The following PSMG1 variants were observed in gnomAD, a reference collection of about 807,000 sequenced individuals.
PSMG1 encodes Down syndrome critical region gene 2.
In PSMG1, 23 loss-of-function variants were observed where a neutral mutation model predicts 37.2. That is an observed-to-expected ratio of 0.62 (90% confidence interval 0.44 to 0.88). PSMG1 has a LOEUF of 0.88. Ranked by LOEUF, PSMG1 falls within the 40% of genes least tolerant of loss-of-function variation. PSMG1 has a pLI of 0.00. For missense variants in PSMG1, 340 were observed against 344.2 expected, an observed-to-expected ratio of 0.99 and a Z score of 0.10; for synonymous variants, 127 against 128.0, an observed-to-expected ratio of 0.99 and a Z score of 0.05.
intron 3 of PSMG1, 99 bp downstream of exon 3, chr21:39,180,186 G>T: frequency 1.4e-6 from 2 of 1,395,080 alleles, no homozygotes; most frequent in South Asian, 2.9e-5. Flanking sequence ...CACACTGACA[G>T]AGCAACTGAA....
In PSMG1 at chr21:39,178,509, CT is replaced by C; in HGVS notation, c.594del (p.Asp199ThrfsTer8). 6.2e-7 allele frequency: 1 copy of C among 1,614,074 alleles called. No individual in the cohort carries two copies. Among genetic ancestry groups the C allele is most frequent in the South Asian group, 1.1e-5 (1 of 91,084 alleles). On this transcript the variant is annotated frameshift_variant, in exon 5 of 7. Coordinates refer to ENST00000331573, the MANE Select transcript of PSMG1 (RefSeq NM_003720.4). LOFTEE classifies it high-confidence loss of function. ...FLRALKTQNF[K>X]DSACCPLLEQ... The stretch of plus-strand genomic sequence containing the variant: ...TCTAGCAATGGACAACACGCCGAGT[CT>C]TTGAAATTCTGTGTTTTTAGGGCTC...
At chr21:39,182,204 CA>C (rs2030856605) in intron 1 of PSMG1, among the ~76,000 whole-genome samples, 1 of 152,156 alleles carries the variant, frequency 6.6e-6, no homozygotes, top group South Asian at 2.1e-4. Context: ...TTCTTGCCGA[CA>C]AAACTTTGAA....
intron 1 of PSMG1, among the ~76,000 whole-genome samples, chr21:39,182,429 C>A (rs4817999): frequency 0.6 from 91,970 of 152,090 alleles, 28,046 homozygotes; most frequent in Admixed American, 0.66. Flanking sequence ...TGTTAGGATT[C>A]TCATTCACGC....
chr21:39,182,849 C>G (rs899138726), intron 1 of PSMG1, among the ~76,000 whole-genome samples: 8 of 152,216 alleles, frequency 5.3e-5, no homozygotes, highest in Non-Finnish European at 8.8e-5. Context: ...CGTGAACAAT[C>G]CACGACAAAC....
chr21:39,177,035 A>ACC (rs2030649110), intron 6 of PSMG1, among the ~76,000 whole-genome samples: 1 of 152,248 alleles, frequency 6.6e-6, no homozygotes, highest in African/African-American at 2.4e-5. Context: ...CTTCACATAT[A>ACC]CAGTTCTCTG....
At chr21:39,177,380 T>C in intron 6 of PSMG1, 55 bp downstream of exon 6, 2 of 1,445,518 alleles carry the variant, frequency 1.4e-6, no homozygotes, top group Non-Finnish European at 1.9e-6. Flanking sequence ...TTTATGTTTG[T>C]TACTAAGCTG....
chr21:39,183,436 C>T lies in PSMG1; in HGVS notation c.-51G>A, dbSNP rs2030955485. 1 of 1,521,692 alleles carries T rather than the reference C, an allele frequency of 6.6e-7. No homozygotes were observed. Among genetic ancestry groups the T allele is most frequent in the Non-Finnish European group, 8.8e-7 (1 of 1,138,898 alleles). The allele number at this position is 1,521,692 out of a possible 1,614,324, so 94.3% of individuals were successfully genotyped here. A position where few individuals can be genotyped will look rare whatever the true frequency, so the allele number is the denominator to read the frequency against. On this transcript the variant is annotated 5_prime_UTR_variant, in exon 1 of 7. Coordinates refer to ENST00000331573, the MANE Select transcript of PSMG1 (RefSeq NM_003720.4). ...AACTGCAGCGCCGCGGGACCGCACG[C>T]CGGCTTGCGCGAGACCACGCTCCCT...
chr21:39,183,185 T>C (rs892271544), intron 1 of PSMG1, 67 bp downstream of exon 1: 2 of 1,444,388 alleles, frequency 1.4e-6, no homozygotes, highest in Non-Finnish European at 1.8e-6. Context: ...TTAGGCGCCG[T>C]CGCGGCTGCC....
In PSMG1 at chr21:39,175,613, T is replaced by C; in HGVS notation, c.844A>G (p.Ile282Val). Reference sequence around the variant, plus strand: ...GATCATGTATAAATGTTACTCTGAATCTCATTTGTTGTCATCAATTTCTTT... The same window carrying C: ...GATCATGTATAAATGTTACTCTGAACCTCATTTGTTGTCATCAATTTCTTT... ...ILKKLMTTNE[I>V]QSNIYT is the part of the protein sequence containing the mutation. The change falls in exon 7 of 7, where the codon ATT (isoleucine) becomes GTT (valine). Residue 282 changes from isoleucine to valine, a missense_variant. Ile to Val is a conservative substitution (Grantham distance 29). Transcript: ENST00000331573. 1 of 1,595,526 alleles carries C rather than the reference T, an allele frequency of 6.3e-7. No individual in the cohort carries two copies. The highest frequency in any genetic ancestry group is 8.6e-7 in the Non-Finnish European group (1 of 1,163,312).
rs1005971249 is a variant in PSMG1 at position 39,174,811 on chromosome 21, A to C, written c.*779T>G. Reference sequence around the variant, plus strand: ...ACTCCGGGTTCATGATTCCATTCACACTCCTAATGATAACACATGACTGTA... The same window carrying C: ...ACTCCGGGTTCATGATTCCATTCACCCTCCTAATGATAACACATGACTGTA... On this transcript the variant is annotated 3_prime_UTR_variant, in exon 7 of 7. Transcript: ENST00000331573. 1.3e-5 allele frequency: 2 copies of C among 152,074 alleles called. No homozygotes were observed. Among genetic ancestry groups the C allele is most frequent in the Non-Finnish European group, 2.9e-5 (2 of 68,020 alleles). The allele number at this position is 152,074 out of a possible 1,614,324, so 9.4% of individuals were successfully genotyped here. A position where few individuals can be genotyped will look rare whatever the true frequency, so the allele number is the denominator to read the frequency against.
chr21:39,176,027 C>T (rs900776192), intron 6 of PSMG1, among the ~76,000 whole-genome samples: 1 of 152,180 alleles, frequency 6.6e-6, no homozygotes, highest in Non-Finnish European at 1.5e-5. Flanking sequence ...TCCCTCTGCA[C>T]ACTTCTACCC....
Position 39,175,517 on chromosome 21 carries a change from T to C in PSMG1, c.*73A>G. The C allele has an allele frequency of 6.9e-7, 1 of 1,447,184 alleles. No individual in the cohort carries two copies. The highest frequency in any genetic ancestry group is 9.1e-7 in the Non-Finnish European group (1 of 1,094,664). The allele number at this position is 1,447,184 out of a possible 1,614,324, so 89.6% of individuals were successfully genotyped here. On this transcript the variant is annotated 3_prime_UTR_variant, in exon 7 of 7. Transcript: ENST00000331573. ...CTCAAAATATATCCCCCAAAAGTAATCTACAAAAGAGTGCAGGCTGCTCCC... is the reference window on the plus strand; with the variant it reads ...CTCAAAATATATCCCCCAAAAGTAACCTACAAAAGAGTGCAGGCTGCTCCC...
chr21:39,176,737 T>C (rs553232198), intron 6 of PSMG1, among the ~76,000 whole-genome samples: 3 of 152,328 alleles, frequency 2.0e-5, no homozygotes, highest in African/African-American at 7.2e-5. Context: ...ACCTGGGAAA[T>C]GAGCTACTTC....
intron 3 of PSMG1, 93 bp downstream of exon 3, chr21:39,180,192 C>T: frequency 1.4e-6 from 2 of 1,420,298 alleles, no homozygotes; most frequent in Non-Finnish European, 9.5e-7. Flanking sequence ...GACAGAGCAA[C>T]TGAAAGATTT....
intron 2 of PSMG1, 72 bp from the exon 3 acceptor site, chr21:39,180,508 C>T (rs2030791503): frequency 7.1e-7 from 1 of 1,416,110 alleles, no homozygotes; most frequent in Non-Finnish European, 9.4e-7. Flanking sequence ...AAAAAGTAAG[C>T]TCAAGTTACT....
intron 2 of PSMG1, among the ~76,000 whole-genome samples, chr21:39,181,566 G>A (rs2030828409): frequency 1.3e-5 from 2 of 151,458 alleles, no homozygotes; most frequent in Admixed American, 1.3e-4. Context: ...GACCAGCCTG[G>A]GCAACACAGC....
chr21:39,178,724 C>T, intron 4 of PSMG1, 77 bp from the exon 5 acceptor site: 1 of 1,315,044 alleles, frequency 7.6e-7, no homozygotes, highest in East Asian at 2.5e-5. Context: ...TAGGTATTCA[C>T]CTAACACCAC....
chr21:39,181,728 C>A, intron 2 of PSMG1, 44 bp downstream of exon 2: 1 of 1,296,132 alleles, frequency 7.7e-7, no homozygotes, highest in South Asian at 1.5e-5. Flanking sequence ...AAGTATATTT[C>A]ATTCTTTCAA....
chr21:39,178,397 G>A (rs2030700313), intron 5 of PSMG1, 52 bp downstream of exon 5: 2 of 1,505,968 alleles, frequency 1.3e-6, no homozygotes, highest in Non-Finnish European at 1.8e-6. Context: ...GTGAAAAGTA[G>A]TATCAATAAA....
Sources: allele counts gnomAD v4.1 joint callset (sites outside exome capture counted in the v4.1 genomes callset), GRCh38; gene constraint gnomAD v4.1.1; transcripts MANE v1.5; gene names NCBI Gene and HGNC (gene_info 2026-07-23, HGNC 2026-07-21).